The following SCFD2 variants were observed in gnomAD, a reference collection of about 807,000 sequenced individuals.
The protein encoded by SCFD2 is sec1 family domain containing 2.
Under a neutral mutation model 58.9 loss-of-function variants are expected in SCFD2, and 54 were observed. That is an observed-to-expected ratio of 0.92 (90% CI 0.74 to 1.15). The LOEUF is 1.15. Ranked by LOEUF, SCFD2 falls within the 50% of genes most tolerant of loss-of-function variation. The pLI is 0.00. For synonymous variants in SCFD2, 321 were observed against 335.9 expected (o/e 0.96, Z 0.49); for missense variants, 805 against 836.6 (o/e 0.96, Z 0.47).
At chr4:53,233,504 G>A (rs981975034) in intron 4 of SCFD2, among the ~76,000 whole-genome samples, 1 of 152,166 alleles carries the variant, frequency 6.6e-6, no homozygotes, top group Admixed American at 6.5e-5. Context: ...AACTTACTTT[G>A]CCTGATTACT....
intron 7 of SCFD2, among the ~76,000 whole-genome samples, chr4:52,888,161 C>T (rs1042910779): frequency 4.6e-5 from 7 of 152,058 alleles, no homozygotes; most frequent in Non-Finnish European, 7.4e-5. Flanking sequence ...CCACCCGCCT[C>T]GGCCTCCCAA....
intron 1 of SCFD2, among the ~76,000 whole-genome samples, chr4:53,360,949 T>C (rs959112304): frequency 6.6e-6 from 1 of 152,202 alleles, no homozygotes; most frequent in African/African-American, 2.4e-5. Flanking sequence ...GCCTTGAATC[T>C]ACCCAGAGAA....
chr4:53,088,470 A>AT (rs1215705042), intron 5 of SCFD2, among the ~76,000 whole-genome samples: 3 of 152,222 alleles, frequency 2.0e-5, no homozygotes, highest in Non-Finnish European at 4.4e-5. Flanking sequence ...GCCAAAAAAG[A>AT]TTTTTCTCAA....
intron 3 of SCFD2, among the ~76,000 whole-genome samples, chr4:53,297,155 C>T (rs184248454): frequency 1.5e-4 from 23 of 152,040 alleles, no homozygotes; most frequent in African/African-American, 3.4e-4. Flanking sequence ...CTATTAGGTC[C>T]GCTTGGTCTA....
intron 5 of SCFD2, among the ~76,000 whole-genome samples, chr4:53,035,107 G>A (rs1038797890): frequency 6.6e-6 from 1 of 152,138 alleles, no homozygotes; most frequent in African/African-American, 2.4e-5. Flanking sequence ...AAACAGCATG[G>A]TACTGGTACC....
At chr4:53,344,165 G>A (rs1450545909) in intron 2 of SCFD2, among the ~76,000 whole-genome samples, 1 of 151,780 alleles carries the variant, frequency 6.6e-6, no homozygotes, top group Non-Finnish European at 1.5e-5. Context: ...AATTGTCTCT[G>A]TTTGCAGATG....
At chr4:53,250,139 A>G (rs544673603) in intron 4 of SCFD2, among the ~76,000 whole-genome samples, 5 of 152,244 alleles carry the variant, frequency 3.3e-5, no homozygotes, top group African/African-American at 1.2e-4. Context: ...AAAAAAGGCA[A>G]GGGTTGCAAC....
intron 4 of SCFD2, among the ~76,000 whole-genome samples, chr4:53,261,833 A>C (rs1021099394): frequency 1.1e-4 from 16 of 152,146 alleles, no homozygotes; most frequent in Non-Finnish European, 1.6e-4. Flanking sequence ...AAAGTCCCCC[A>C]CTATTGCTGT....
chr4:53,145,373 A>G lies in SCFD2; in HGVS notation c.1521T>C (p.Cys507=). Residue 507 remains cysteine, a synonymous_variant, in exon 5 of 9, where the codon TGT becomes TGC. Coordinates refer to ENST00000401642, the MANE Select transcript of SCFD2 (RefSeq NM_152540.4). ...KVKKALAQVF[C]EESGLSPLLQ... The stretch of plus-strand genomic sequence containing the variant: ...GCAAAGGTGACAATCCAGATTCCTC[A>G]CAGAAGACCTGAGCCAATGCTTTCT... The G allele has an allele frequency of 3.7e-6, 6 of 1,614,168 alleles. No homozygotes were observed. Among genetic ancestry groups the G allele is most frequent in the Non-Finnish European group, 5.1e-6 (6 of 1,180,032 alleles).
intron 4 of SCFD2, among the ~76,000 whole-genome samples, chr4:53,247,731 G>A (rs1730145635): frequency 6.7e-6 from 1 of 149,134 alleles, no homozygotes; most frequent in Non-Finnish European, 1.5e-5. Flanking sequence ...CGCGGTGGCG[G>A]GCGCCTGTAG....
intron 5 of SCFD2, among the ~76,000 whole-genome samples, chr4:53,021,832 T>C (rs1218249372): frequency 6.6e-6 from 1 of 152,144 alleles, no homozygotes; most frequent in East Asian, 1.9e-4. Context: ...GAAGAATATG[T>C]AGTTGTTCTT....
intron 5 of SCFD2, among the ~76,000 whole-genome samples, chr4:53,117,647 G>A (rs1725362660): frequency 6.6e-6 from 1 of 152,206 alleles, no homozygotes; most frequent in South Asian, 2.1e-4. Flanking sequence ...AAGGCTGCTG[G>A]TTTGTGGGCA....
At chr4:53,309,540 G>A (rs1162342499) in intron 3 of SCFD2, among the ~76,000 whole-genome samples, 2 of 152,082 alleles carry the variant, frequency 1.3e-5, no homozygotes, top group South Asian at 2.1e-4. Flanking sequence ...GCAGGGAGGA[G>A]GAGTCAGGAG....
chr4:53,192,906 T>C (rs548456288), intron 4 of SCFD2, among the ~76,000 whole-genome samples: 1 of 152,272 alleles, frequency 6.6e-6, no homozygotes, highest in African/African-American at 2.4e-5. Flanking sequence ...TTAAGGATGT[T>C]ACACCAAGAA....
At chr4:52,938,990 A>C (rs1020478414) in intron 5 of SCFD2, among the ~76,000 whole-genome samples, 1 of 152,114 alleles carries the variant, frequency 6.6e-6, no homozygotes, top group Admixed American at 6.6e-5. Flanking sequence ...TGTCTAATTT[A>C]CCACTCCCCC....
chr4:53,363,826 C>CAAAAA (rs754101699), intron 1 of SCFD2, among the ~76,000 whole-genome samples: 2 of 107,212 alleles, frequency 1.9e-5, no homozygotes, highest in African/African-American at 3.7e-5. Flanking sequence ...GACTCCGTCT[C>CAAAAA]AAAAAAAAAA....
At chr4:53,262,967 T>C (rs922177976) in intron 4 of SCFD2, among the ~76,000 whole-genome samples, 7 of 152,114 alleles carry the variant, frequency 4.6e-5, no homozygotes, top group Non-Finnish European at 1.0e-4. Flanking sequence ...TTTTTCTTTG[T>C]CTATGATGGA....
At chr4:53,217,014 T>G (rs1000840934) in intron 4 of SCFD2, among the ~76,000 whole-genome samples, 2 of 152,204 alleles carry the variant, frequency 1.3e-5, no homozygotes, top group African/African-American at 4.8e-5. Flanking sequence ...TGAGAGACAG[T>G]TTGTTATAAT....
chr4:53,185,366 A>G (rs1002120897), intron 4 of SCFD2, among the ~76,000 whole-genome samples: 2 of 152,106 alleles, frequency 1.3e-5, no homozygotes, highest in Admixed American at 1.3e-4. Flanking sequence ...TAGATATATT[A>G]CAGAAGTAAG....
Sources: allele counts gnomAD v4.1 joint callset (sites outside exome capture counted in the v4.1 genomes callset), GRCh38; gene constraint gnomAD v4.1.1; transcripts MANE v1.5; gene names NCBI Gene and HGNC (gene_info 2026-07-23, HGNC 2026-07-21).